Variants in RBL1 observed in about 807,000 individuals in gnomAD.
RBL1 encodes the protein retinoblastoma-like protein 1.
A neutral mutation model predicts 123.0 loss-of-function variants in RBL1; 82 were observed. The observed-to-expected ratio is 0.67, with a 90% CI of 0.56 to 0.80. RBL1 has a LOEUF of 0.80. Ranked by LOEUF, RBL1 falls within the 30% of genes least tolerant of loss-of-function variation. The pLI, the probability that RBL1 is intolerant of heterozygous loss-of-function variation, is 0.00. For synonymous variants in RBL1, 405 were observed against 441.3 expected (o/e 0.92, Z 1.03); for missense variants, 1,171 against 1,299.6 (o/e 0.90, Z 1.52).
At chr20:37,091,521 T>G (rs1401382457) in intron 1 of RBL1, among the ~76,000 whole-genome samples, 1 of 151,822 alleles carries the variant, frequency 6.6e-6, no homozygotes, top group Non-Finnish European at 1.5e-5. Context: ...AGGAAAAAAT[T>G]AGCCGGGTAT....
chr20:37,029,789 A>C (rs2064478349), intron 16 of RBL1, among the ~76,000 whole-genome samples: 2 of 152,338 alleles, frequency 1.3e-5, no homozygotes, highest in African/African-American at 4.8e-5. Context: ...CTTTACATTA[A>C]TGAACAATCT....
intron 11 of RBL1, among the ~76,000 whole-genome samples, chr20:37,047,492 C>T (rs1454124149): frequency 2.6e-5 from 4 of 152,040 alleles, no homozygotes; most frequent in African/African-American, 9.7e-5. Context: ...TTCTTAATGA[C>T]AGTTAATTGT....
rs367938984 is a variant in RBL1, at chr20:37,033,930, C to CT, written c.2171-1055dup. Among the ~76,000 whole-genome samples, 38 of 145,294 alleles carry CT rather than the reference C, an allele frequency of 2.6e-4. 1 individual carries two copies. The highest frequency in any genetic ancestry group is 1.8e-3 in the South Asian group (8 of 4,510). On this transcript the variant is annotated intron_variant, in intron 15 of 21. Coordinates refer to ENST00000373664, the MANE Select transcript of RBL1 (RefSeq NM_002895.5). The stretch of plus-strand genomic sequence containing the variant: ...CTGTGCCTGGCGCCCCCCGGGCCCC[C>CT]TTTTTTTTTTCTTTTTCTTTTTTTT...
In RBL1 at chr20:36,998,654, C is replaced by T; in HGVS notation, c.*105G>A. ...ATTTTTGTGCAATTTTTTCTTATAA[C>T]CCAGTGATATTTATCATCTATAGGG... On this transcript the variant is annotated 3_prime_UTR_variant, in exon 22 of 22. Coordinates refer to ENST00000373664, the MANE Select transcript of RBL1 (RefSeq NM_002895.5). The T allele has an allele frequency of 9.9e-7, 1 of 1,010,328 alleles. No homozygotes were observed. Among genetic ancestry groups the T allele is most frequent in the Non-Finnish European group, 1.4e-6 (1 of 723,048 alleles). 62.6% of individuals were successfully genotyped at this position (1,010,328 alleles called of 1,614,324 possible). A position where few individuals can be genotyped will look rare whatever the true frequency, so the allele number is the denominator to read the frequency against.
intron 2 of RBL1, among the ~76,000 whole-genome samples, chr20:37,077,269 T>C (rs1186437869): frequency 6.6e-6 from 1 of 152,210 alleles, no homozygotes; most frequent in East Asian, 1.9e-4. Context: ...TATATACATA[T>C]GCATATATGG....
intron 15 of RBL1, 125 bp downstream of exon 15, chr20:37,035,116 TA>T (rs11474723): frequency 0.011 from 8,575 of 790,156 alleles, no homozygotes; most frequent in Non-Finnish European, 0.012. Flanking sequence ...CAAATCTATT[TA>T]AAAAAAAAAA....
At chr20:37,022,629 T>C in intron 17 of RBL1, 21 bp downstream of exon 17, 1 of 1,583,894 alleles carries the variant, frequency 6.3e-7, no homozygotes, top group East Asian at 2.2e-5. Flanking sequence ...GCCCAGCCTC[T>C]TCTCCCAATT....
At chr20:37,034,417 A>AC (rs1234106730) in intron 15 of RBL1, among the ~76,000 whole-genome samples, 1 of 152,162 alleles carries the variant, frequency 6.6e-6, no homozygotes, top group Non-Finnish European at 1.5e-5. Flanking sequence ...CTGTTAGTCA[A>AC]AAAACAGAAT....
At chr20:37,060,903 T>G (rs893525154) in intron 9 of RBL1, among the ~76,000 whole-genome samples, 200 bp downstream of exon 9, 4 of 152,224 alleles carry the variant, frequency 2.6e-5, no homozygotes, top group Non-Finnish European at 5.9e-5. Context: ...TGTGTGCCAC[T>G]GTGCCTGACT....
chr20:37,092,414 G>A (rs2065663722), intron 1 of RBL1, among the ~76,000 whole-genome samples: 1 of 151,928 alleles, frequency 6.6e-6, no homozygotes, highest in Admixed American at 6.6e-5. Context: ...CAGGGCCACT[G>A]CAGTCTTGAC....
intron 19 of RBL1, among the ~76,000 whole-genome samples, chr20:37,013,585 T>TAAAA (rs5841249): frequency 2.0e-5 from 2 of 101,400 alleles, no homozygotes; most frequent in Admixed American, 1.1e-4. Flanking sequence ...GAATGATCAA[T>TAAAA]AAAAAAAAAA....
chr20:37,062,203 A>G lies in RBL1; in HGVS notation c.964T>C (p.Leu322=), dbSNP rs757235651. 2 of 1,614,170 alleles carry G rather than the reference A, an allele frequency of 1.2e-6. No homozygotes were observed. Among genetic ancestry groups the G allele is most frequent in the Non-Finnish European group, 1.7e-6 (2 of 1,180,032 alleles). Residue 322 remains leucine (L), a synonymous_variant, in exon 8 of 22, where the codon TTG becomes CTG. Coordinates refer to ENST00000373664, the MANE Select transcript of RBL1 (RefSeq NM_002895.5). The part of the protein sequence containing the change: ...TVGDFDERIF[L]GADAEEEIGT... Reference sequence around the variant, plus strand: ...ATTTCCTCTTCTGCGTCTGCTCCCAAAAAGATCCTCTCATCAAAATCACCA... The same window carrying G: ...ATTTCCTCTTCTGCGTCTGCTCCCAGAAAGATCCTCTCATCAAAATCACCA...
intron 1 of RBL1, among the ~76,000 whole-genome samples, chr20:37,090,446 G>A (rs962633881): frequency 1.3e-5 from 2 of 152,118 alleles, no homozygotes; most frequent in African/African-American, 2.4e-5. Flanking sequence ...AGTTTCTATC[G>A]TTTTTGCTTT....
intron 7 of RBL1, among the ~76,000 whole-genome samples, chr20:37,063,858 C>G (rs1348577004): frequency 6.7e-6 from 1 of 149,166 alleles, no homozygotes; most frequent in East Asian, 2.0e-4. Flanking sequence ...GGTCTCACTC[C>G]GTCAAGCAGG....
chr20:37,039,367 T>C (rs1436292800), intron 14 of RBL1, among the ~76,000 whole-genome samples: 1 of 152,200 alleles, frequency 6.6e-6, no homozygotes, highest in African/African-American at 2.4e-5. Context: ...GGTTTGGCTG[T>C]GTCCCCACCC....
At position 37,043,157 on chromosome 20, in the gene RBL1, C is replaced by T. The variant is rs112696672; in HGVS notation, c.1770+929G>A. On this transcript the variant is annotated intron_variant, in intron 13 of 21. Coordinates refer to ENST00000373664, the MANE Select transcript of RBL1 (RefSeq NM_002895.5). ...GATCCTGTCTCTACACACACATGCG[C>T]GCGTGCACACACACACACACACACA... 4.0e-4 allele frequency among the ~76,000 whole-genome samples: 45 copies of T among 112,694 alleles called. No individual in the cohort carries two copies. In the Middle Eastern group the frequency reaches 0.013, roughly 33 times the overall value. The allele number at this position is 112,694 out of a possible 152,430, so 73.9% of individuals were successfully genotyped here. A position where few individuals can be genotyped will look rare whatever the true frequency, so the allele number is the denominator to read the frequency against.
chr20:37,065,147 G>A (rs111693511), intron 7 of RBL1, among the ~76,000 whole-genome samples: 1 of 151,998 alleles, frequency 6.6e-6, no homozygotes, highest in Non-Finnish European at 1.5e-5. Flanking sequence ...GCCCAGGCTG[G>A]TCTCCAACCT....
intron 10 of RBL1, 117 bp from the exon 11 acceptor site, chr20:37,055,773 G>C: frequency 9.7e-7 from 1 of 1,030,010 alleles, no homozygotes; most frequent in Non-Finnish European, 1.4e-6. Flanking sequence ...GGCAGGCCGG[G>C]AATGGTGGCT....
chr20:37,062,342 T>C, intron 7 of RBL1, 72 bp from the exon 8 acceptor site: 2 of 1,539,324 alleles, frequency 1.3e-6, no homozygotes, highest in African/African-American at 2.7e-5. Context: ...AAGATAGATT[T>C]AGTGTTTACA....
Sources: allele counts gnomAD v4.1 joint callset (sites outside exome capture counted in the v4.1 genomes callset), GRCh38; gene constraint gnomAD v4.1.1; transcripts MANE v1.5; gene names NCBI Gene and HGNC (gene_info 2026-07-23, HGNC 2026-07-21).